Variants in SNX7 observed in about 807,000 individuals in gnomAD.
The protein encoded by SNX7 is sorting nexin-7.
Under a neutral mutation model 48.4 loss-of-function variants are expected in SNX7, and 35 were observed. That is an observed-to-expected ratio of 0.72 (90% CI 0.55 to 0.96). The LOEUF (loss-of-function observed/expected upper bound fraction) is 0.96. Ranked by LOEUF, SNX7 falls within the 40% of genes least tolerant of loss-of-function variation. The pLI is 0.00. For missense variants in SNX7, 553 were observed against 548.9 expected (o/e 1.01, Z -0.07); for synonymous variants, 190 against 190.2 (o/e 1.00, Z 0.01).
At chr1:98,694,623 TTTG>T (rs1651347353) in intron 4 of SNX7, among the ~76,000 whole-genome samples, 1 of 112,432 alleles carries the variant, frequency 8.9e-6, no homozygotes, top group African/African-American at 3.4e-5. Context: ...TTTTTTTTTT[TTTG>T]AGATGGAGTC....
chr1:98,707,625 G>T (rs1385378818), intron 7 of SNX7, among the ~76,000 whole-genome samples: 6 of 152,148 alleles, frequency 3.9e-5, no homozygotes, highest in Admixed American at 2.6e-4. Flanking sequence ...TTTCTGAATG[G>T]ATGATTTATA....
chr1:98,675,748 G>A (rs907461361), intron 1 of SNX7, among the ~76,000 whole-genome samples: 2 of 152,118 alleles, frequency 1.3e-5, no homozygotes, highest in African/African-American at 4.8e-5. Context: ...TTTTGTACAT[G>A]CTGATTACAC....
chr1:98,667,820 C>T (rs904754213), intron 1 of SNX7, among the ~76,000 whole-genome samples: 31 of 151,704 alleles, frequency 2.0e-4, no homozygotes, highest in Admixed American at 1.5e-3. Flanking sequence ...ATACTAATGA[C>T]GATTACATGC....
intron 5 of SNX7, among the ~76,000 whole-genome samples, chr1:98,696,944 A>G (rs989393802): frequency 6.6e-6 from 1 of 152,150 alleles, no homozygotes; most frequent in African/African-American, 2.4e-5. Flanking sequence ...GGAAATATGT[A>G]TATTAACAGA....
At chr1:98,686,537 A>G (rs1470530644) in intron 2 of SNX7, among the ~76,000 whole-genome samples, 3 of 152,188 alleles carry the variant, frequency 2.0e-5, no homozygotes, top group Non-Finnish European at 4.4e-5. Context: ...TAAGTTATCC[A>G]TAATTCCAAA....
chr1:98,701,898 G>T lies in SNX7; in HGVS notation c.1120G>T (p.Asp374Tyr), dbSNP rs778465613. Reference sequence around the variant, plus strand: ...TTTGACCTATAAAAAGGCAGATACTGATCTGGTAAGTTTTTAAGTTTCTTG... The same window carrying T: ...TTTGACCTATAAAAAGGCAGATACTTATCTGGTAAGTTTTTAAGTTTCTTG... ...EVLTYKKADT[D>Y]LLPEEIGKLE... Residue 374 changes from aspartate to tyrosine, a missense_variant, in exon 7 of 9, where the codon GAT (aspartate) becomes TAT (tyrosine). Coordinates refer to ENST00000306121, the MANE Select transcript of SNX7 (RefSeq NM_015976.5). 1.0e-5 allele frequency: 16 copies of T among 1,603,268 alleles called. No individual in the cohort carries two copies. The highest frequency in any genetic ancestry group is 1.3e-5 in the African/African-American group (1 of 74,434).
chr1:98,693,930 GT>G (rs1348670561), intron 4 of SNX7, among the ~76,000 whole-genome samples: 1 of 151,904 alleles, frequency 6.6e-6, no homozygotes, highest in African/African-American at 2.4e-5. Flanking sequence ...GTCCTTTTTT[GT>G]TTGTATTTGT....
intron 7 of SNX7, among the ~76,000 whole-genome samples, chr1:98,712,467 C>T (rs1652363695): frequency 6.6e-6 from 1 of 152,206 alleles, no homozygotes; most frequent in South Asian, 2.1e-4. Context: ...TGACCAAGTA[C>T]ATTGTCAATA....
At chr1:98,755,786 T>C (rs182244743) in intron 8 of SNX7, among the ~76,000 whole-genome samples, 41 of 152,050 alleles carry the variant, frequency 2.7e-4, no homozygotes, top group South Asian at 1.5e-3. Context: ...TTTAATCCTT[T>C]TAATTTTAAC....
chr1:98,689,572 G>A (rs12125243), intron 2 of SNX7, among the ~76,000 whole-genome samples: 85,146 of 151,974 alleles, frequency 0.56, 24,997 homozygotes, highest in Middle Eastern at 0.66. Context: ...TCTTAGGGAC[G>A]TATACAGCTC....
intron 7 of SNX7, among the ~76,000 whole-genome samples, chr1:98,715,067 CATCAAT>C (rs1470476318): frequency 1.3e-5 from 2 of 152,046 alleles, no homozygotes; most frequent in African/African-American, 2.4e-5. Flanking sequence ...ATAGTACAAC[CATCAAT>C]ATCAATAAGT....
intron 7 of SNX7, among the ~76,000 whole-genome samples, chr1:98,726,869 T>G (rs1443010659): frequency 6.6e-6 from 1 of 152,204 alleles, no homozygotes; most frequent in Non-Finnish European, 1.5e-5. Flanking sequence ...CCTGTGCCCT[T>G]TGTCCTGTGT....
chr1:98,661,603 C>T, upstream of SNX7: 1 of 887,890 alleles, frequency 1.1e-6, no homozygotes, highest in Non-Finnish European at 1.4e-6. Flanking sequence ...AGTTCCGCGT[C>T]TGCGCAGCGG....
chr1:98,691,113 T>A lies in SNX7; in HGVS notation c.402T>A (p.Val134=). The change falls in exon 3 of 9, where the codon GTT becomes GTA. Residue 134 remains valine (V), a synonymous_variant. Transcript: ENST00000306121. The part of the protein sequence containing the change: ...RGEFDSSEFE[V]RRRYQDFLWL... The stretch of plus-strand genomic sequence containing the variant: ...AATTTGACTCCAGTGAATTTGAAGT[T>A]AGGAGACGATATCAAGATTTCCTTT... The A allele has an allele frequency of 6.2e-7, 1 of 1,609,274 alleles. No individual in the cohort carries two copies. Among genetic ancestry groups the A allele is most frequent in the South Asian group, 1.1e-5 (1 of 90,604 alleles).
Position 98,695,498 on chromosome 1 carries a change from A to G in SNX7, c.640-20A>G. ...TATTGAGACTTGTTTCACTAGAAAT[A>G]CTTGGTTTTTTGTTTCTAGGAACTC... On this transcript the variant is annotated intron_variant, in intron 4 of 8. Transcript: ENST00000306121. The G allele has an allele frequency of 6.2e-7, 1 of 1,607,776 alleles. No individual in the cohort carries two copies. The highest frequency in any genetic ancestry group is 8.5e-7 in the Non-Finnish European group (1 of 1,177,292).
At chr1:98,677,991 G>GTGTGTGTGTGTGTGTGTGTGCA (rs1650269425) in intron 1 of SNX7, among the ~76,000 whole-genome samples, 1 of 130,778 alleles carries the variant, frequency 7.6e-6, no homozygotes, top group Non-Finnish European at 1.5e-5. Flanking sequence ...GTGTGTGTGC[G>GTGTGTGTGTGTGTGTGTGTGCA]TGTGTGTGTG....
chr1:98,730,232 A>G (rs1010558047), intron 7 of SNX7, among the ~76,000 whole-genome samples: 6 of 139,470 alleles, frequency 4.3e-5, no homozygotes, highest in African/African-American at 7.8e-5. Flanking sequence ...AAAACTCTCA[A>G]TAAACTAGAT....
chr1:98,746,550 CTAGAAAACA>C, intron 8 of SNX7, among the ~76,000 whole-genome samples: 1 of 152,034 alleles, frequency 6.6e-6, no homozygotes. Flanking sequence ...GAAATGTTCT[CTAGAAAACA>C]GGGAAAACAC....
intron 1 of SNX7, among the ~76,000 whole-genome samples, chr1:98,674,775 A>G (rs1192900727): frequency 6.6e-6 from 1 of 152,202 alleles, no homozygotes; most frequent in African/African-American, 2.4e-5. Context: ...AAGTTATTTA[A>G]GTGGTTTTTC....
Sources: gnomAD v4.1 joint callset for allele counts (sites outside exome capture counted in the v4.1 genomes callset) on GRCh38, gnomAD v4.1.1 for gene constraint, MANE v1.5 for transcripts, NCBI Gene and HGNC (gene_info 2026-07-23, HGNC 2026-07-21) for gene names.